Variants in PRKD1 observed in about 807,000 individuals in gnomAD.
The protein encoded by PRKD1 is protein kinase D1, also known as serine/threonine-protein kinase D1.
A neutral mutation model predicts 95.9 loss-of-function variants in PRKD1; 63 were observed. The ratio of observed to expected loss-of-function variants is 0.66; its 90% CI spans 0.54 to 0.81. The LOEUF (loss-of-function observed/expected upper bound fraction) is 0.81. Among genes scored for constraint, PRKD1 ranks in the 30% least tolerant of loss-of-function variants. The probability of loss-of-function intolerance (pLI) is 0.00; values close to 1 mark genes in which losing one functional copy is unlikely to be tolerated. For missense variants in PRKD1, 1,048 were observed against 1,165.3 expected (o/e 0.90, Z 1.47); for synonymous variants, 425 against 423.1 (o/e 1.00, Z -0.05).
rs923994437 is a variant in PRKD1 at position 29,725,655 on chromosome 14, T to C, written c.284A>G (p.Tyr95Cys). The change falls in exon 2 of 18, where the codon TAC (tyrosine) becomes TGC (cysteine). Residue 95 changes from tyrosine to cysteine, a missense_variant. Coordinates refer to ENST00000331968, the MANE Select transcript of PRKD1 (RefSeq NM_002742.3). Reference protein sequence around the residue: ...VDQKFPECGFYGMYDKILLFR... With the variant: ...VDQKFPECGFCGMYDKILLFR... The stretch of plus-strand genomic sequence containing the variant: ...AAGCAGGATCTTATCATACATTCCG[T>C]AGAAACCACATTCAGGGAACTGCAA... 2 of 1,613,522 alleles carry C rather than the reference T, an allele frequency of 1.2e-6. No homozygotes were observed. Among genetic ancestry groups the C allele is most frequent in the East Asian group, 2.2e-5 (1 of 44,862 alleles).
In PRKD1 at chr14:29,672,346, A is replaced by AAAAAT. The variant is rs540578140; in HGVS notation, c.404-6143_404-6139dup. On this transcript the variant is annotated intron_variant, in intron 2 of 17. Transcript: ENST00000331968. The stretch of plus-strand genomic sequence containing the variant: ...ACAGAGCGAGACTCTGTCTCAAAAA[A>AAAAAT]AAAATAAAATAAAATAAAATAAAAT... 7.0e-3 allele frequency among the ~76,000 whole-genome samples: 1,057 copies of AAAAAT among 151,592 alleles called. 7 individuals are homozygous for AAAAAT. The highest frequency in any genetic ancestry group is 0.021 in the African/African-American group (866 of 41,166).
chr14:29,775,063 C>T lies in PRKD1; in HGVS notation c.265-49389G>A, dbSNP rs184962247. 1.3e-4 allele frequency among the ~76,000 whole-genome samples: 20 copies of T among 152,056 alleles called. No individual in the cohort carries two copies. In the East Asian group the frequency reaches 2.7e-3, roughly 21 times the overall value. On this transcript the variant is annotated intron_variant, in intron 1 of 17. Transcript: ENST00000331968. ...ATAGTTTGGATAGAAGAGTTTGTATCGAGGGTTCCTAGTTGGAAGCAGCAG... is the reference window on the plus strand; with the variant it reads ...ATAGTTTGGATAGAAGAGTTTGTATTGAGGGTTCCTAGTTGGAAGCAGCAG...
chr14:29,703,892 C>CA (rs2139334500), intron 2 of PRKD1, among the ~76,000 whole-genome samples: 1 of 152,276 alleles, frequency 6.6e-6, no homozygotes, highest in Admixed American at 6.5e-5. Context: ...TGGCCTCTCA[C>CA]AAACCCCAAA....
At chr14:29,753,768 T>C (rs1445345489) in intron 1 of PRKD1, among the ~76,000 whole-genome samples, 1 of 152,150 alleles carries the variant, frequency 6.6e-6, no homozygotes, top group African/African-American at 2.4e-5. Context: ...CATAGGTACA[T>C]AAGTCCATAG....
At chr14:29,698,141 G>T (rs1373146209) in intron 2 of PRKD1, among the ~76,000 whole-genome samples, 1 of 152,050 alleles carries the variant, frequency 6.6e-6, no homozygotes, top group Non-Finnish European at 1.5e-5. Flanking sequence ...TCAAAGAGTT[G>T]GGTATTTGAA....
intron 3 of PRKD1, among the ~76,000 whole-genome samples, chr14:29,664,766 CT>C (rs1265816108): frequency 1.3e-5 from 2 of 152,134 alleles, no homozygotes; most frequent in Non-Finnish European, 2.9e-5. Context: ...TCATGGTGTC[CT>C]AGCACCTTGA....
chr14:29,586,043 T>C (rs983664054), intron 16 of PRKD1, among the ~76,000 whole-genome samples: 4 of 152,206 alleles, frequency 2.6e-5, no homozygotes, highest in Admixed American at 6.5e-5. Context: ...GGCCTGATAG[T>C]CTGTATTTTA....
rs1038401125 is a variant in PRKD1 at position 29,927,041 on chromosome 14, T to C, written c.264+208A>G. Among the ~76,000 whole-genome samples the C allele has an allele frequency of 5.9e-5, 9 of 151,704 alleles. No individual in the cohort carries two copies. The East Asian group carries it at 1.4e-3, about 23-fold the overall frequency. On this transcript the variant is annotated intron_variant, in intron 1 of 17. Coordinates refer to ENST00000331968, the MANE Select transcript of PRKD1 (RefSeq NM_002742.3). Reference sequence around the variant, plus strand: ...AGAGAAATCGGTGAATAGAGGAAGATGGGGCGAGAGGAGGATGAGCAACAG... The same window carrying C: ...AGAGAAATCGGTGAATAGAGGAAGACGGGGCGAGAGGAGGATGAGCAACAG...
chr14:29,830,613 T>C (rs1891366793), intron 1 of PRKD1, among the ~76,000 whole-genome samples: 1 of 151,850 alleles, frequency 6.6e-6, no homozygotes, highest in African/African-American at 2.4e-5. Flanking sequence ...ATTAAAAAAA[T>C]CAAATTTAGC....
intron 1 of PRKD1, among the ~76,000 whole-genome samples, chr14:29,810,672 T>C (rs925467951): frequency 1.1e-4 from 16 of 152,266 alleles, no homozygotes; most frequent in African/African-American, 3.1e-4. Context: ...ATTGGTCTTA[T>C]TGTGGTGACA....
intron 1 of PRKD1, among the ~76,000 whole-genome samples, chr14:29,786,218 T>C (rs1359327753): frequency 6.6e-6 from 1 of 152,216 alleles, no homozygotes; most frequent in Non-Finnish European, 1.5e-5. Context: ...GATTATCTTA[T>C]TGATGTGCTG....
At chr14:29,595,800 A>G (rs901866109) in intron 16 of PRKD1, among the ~76,000 whole-genome samples, 1 of 152,200 alleles carries the variant, frequency 6.6e-6, no homozygotes, top group African/African-American at 2.4e-5. Context: ...GATTGGCTTC[A>G]GTGGTATTAC....
At chr14:29,923,611 T>A (rs556054965) in intron 1 of PRKD1, among the ~76,000 whole-genome samples, 1 of 152,252 alleles carries the variant, frequency 6.6e-6, no homozygotes, top group Non-Finnish European at 1.5e-5. Context: ...CTACTTAAAA[T>A]CTCACTGTTA....
chr14:29,707,591 T>G (rs1194143768), intron 2 of PRKD1, among the ~76,000 whole-genome samples: 1 of 152,114 alleles, frequency 6.6e-6, no homozygotes, highest in Non-Finnish European at 1.5e-5. Flanking sequence ...ATGATATATA[T>G]CTGTAAGTCC....
chr14:29,890,941 TCA>T lies in PRKD1; in HGVS notation c.264+36306_264+36307del, dbSNP rs139215682. On this transcript the variant is annotated intron_variant, in intron 1 of 17. Coordinates refer to ENST00000331968, the MANE Select transcript of PRKD1 (RefSeq NM_002742.3). ...TTGAAAATTCTATCTATCACCAAGG[TCA>T]CAGTTTCTTGTGATCAGTTTTATTT... Among the ~76,000 whole-genome samples, 1,781 of 152,288 alleles carry T rather than the reference TCA, an allele frequency of 0.012. 84 individuals are homozygous for T. In the East Asian group the frequency reaches 0.14, roughly 12 times the overall value.
chr14:29,678,715 G>A (rs1883369546), intron 2 of PRKD1, among the ~76,000 whole-genome samples: 1 of 152,084 alleles, frequency 6.6e-6, no homozygotes, highest in African/African-American at 2.4e-5. Context: ...AAGTAGGTAT[G>A]TTTTTAATAA....
intron 1 of PRKD1, among the ~76,000 whole-genome samples, chr14:29,757,057 T>C (rs528913708): frequency 6.6e-6 from 1 of 152,320 alleles, no homozygotes; most frequent in East Asian, 1.9e-4. Context: ...TTCAGTGATA[T>C]AATTAATTGT....
At position 29,769,617 on chromosome 14, in the gene PRKD1, T is replaced by C. The variant is rs182074629; in HGVS notation, c.265-43943A>G. 2.3e-4 allele frequency among the ~76,000 whole-genome samples: 35 copies of C among 152,164 alleles called. No individual in the cohort carries two copies. In the East Asian group the frequency reaches 6.6e-3, roughly 29 times the overall value. On this transcript the variant is annotated intron_variant, in intron 1 of 17. Transcript: ENST00000331968. ...GACAGAGAGAGACAGTCCATGTGTG[T>C]CAACATTTTTATCCATGTGGAAAAA...
At chr14:29,782,911 G>T (rs2139173135) in intron 1 of PRKD1, among the ~76,000 whole-genome samples, 1 of 152,192 alleles carries the variant, frequency 6.6e-6, no homozygotes, top group Non-Finnish European at 1.5e-5. Context: ...ATGTAATATT[G>T]TACATATTTA....
Sources: allele counts gnomAD v4.1 joint callset (sites outside exome capture counted in the v4.1 genomes callset), GRCh38; gene constraint gnomAD v4.1.1; transcripts MANE v1.5; gene names NCBI Gene and HGNC (gene_info 2026-07-23, HGNC 2026-07-21).